Variants in BCL2L13 observed in about 807,000 individuals in gnomAD.
BCL2L13 encodes bcl-2-like protein 13.
BCL2L13 carries 13 observed loss-of-function variants against 25.8 expected under a neutral mutation model. The observed-to-expected ratio is 0.50, with a 90% CI of 0.33 to 0.80. The LOEUF is 0.80. BCL2L13 is among the 30% of genes least tolerant of loss of function. The pLI, the probability that BCL2L13 is intolerant of heterozygous loss-of-function variation, is 0.02. For synonymous variants in BCL2L13, 244 were observed against 230.3 expected, an observed-to-expected ratio of 1.06 and a Z score of -0.54; for missense variants, 504 against 574.9, an observed-to-expected ratio of 0.88 and a Z score of 1.26.
Position 17,663,587 on chromosome 22 carries a change from T to G in BCL2L13, c.121+7755T>G, listed in dbSNP as rs530671573. On this transcript the variant is annotated intron_variant, in intron 2 of 6. Transcript: ENST00000317582. Reference sequence around the variant, plus strand: ...TGTGATTTTTACTTTTCATTCAATTTTAATTTGGAACATTTCATATTTACA... The same window carrying G: ...TGTGATTTTTACTTTTCATTCAATTGTAATTTGGAACATTTCATATTTACA... 1.1e-4 allele frequency among the ~76,000 whole-genome samples: 16 copies of G among 152,300 alleles called. No homozygotes were observed. In the East Asian group the frequency reaches 3.1e-3, roughly 29 times the overall value.
At chr22:17,679,680 G>A (rs2146686230) in intron 2 of BCL2L13, among the ~76,000 whole-genome samples, 1 of 152,146 alleles carries the variant, frequency 6.6e-6, no homozygotes, top group East Asian at 1.9e-4. Context: ...TTGCAATGTA[G>A]GGAGAGCTTG....
intron 1 of BCL2L13, among the ~76,000 whole-genome samples, chr22:17,641,141 C>T (rs1316733366): frequency 3.3e-5 from 5 of 152,088 alleles, no homozygotes; most frequent in East Asian, 1.9e-4. Flanking sequence ...CTGCCCGCCT[C>T]GGCCTCCCAA....
intron 6 of BCL2L13, among the ~76,000 whole-genome samples, chr22:17,708,831 G>C (rs2060660604): frequency 6.6e-6 from 1 of 152,100 alleles, no homozygotes. Context: ...ATGGTTCCGA[G>C]GCTACTTGTA....
At chr22:17,724,945 C>T (rs919279859) in intron 6 of BCL2L13, among the ~76,000 whole-genome samples, 1 of 152,202 alleles carries the variant, frequency 6.6e-6, no homozygotes, top group Non-Finnish European at 1.5e-5. Flanking sequence ...ATTCATATGT[C>T]AGGCTTCACA....
intron 6 of BCL2L13, among the ~76,000 whole-genome samples, chr22:17,717,597 A>G (rs1255378436): frequency 6.6e-6 from 1 of 152,102 alleles, no homozygotes; most frequent in Non-Finnish European, 1.5e-5. Context: ...GGCCTCTGTT[A>G]CTGTATTTTA....
rs190021030 is a variant in BCL2L13, at chr22:17,650,165, C to T, written c.-50-5497C>T. Among the ~76,000 whole-genome samples, 1,132 of 152,106 alleles carry T rather than the reference C, an allele frequency of 7.4e-3. 7 individuals carry two copies. The highest frequency in any genetic ancestry group is 0.01 in the Middle Eastern group (3 of 294). ...GATTACAGGCATGAGCCACTGCGCC[C>T]GGCTGACTCTTCTTATTTTCATTCT... On this transcript the variant is annotated intron_variant, in intron 1 of 6. Coordinates refer to ENST00000317582, the MANE Select transcript of BCL2L13 (RefSeq NM_015367.4).
chr22:17,666,678 C>CTTTTTTT (rs35623813), intron 2 of BCL2L13, among the ~76,000 whole-genome samples: 1 of 121,400 alleles, frequency 8.2e-6, no homozygotes, highest in African/African-American at 3.1e-5. Context: ...GGACCTCATT[C>CTTTTTTT]TTTTTTTTTT....
At chr22:17,714,918 A>T (rs1161487938) in intron 6 of BCL2L13, among the ~76,000 whole-genome samples, 1 of 151,468 alleles carries the variant, frequency 6.6e-6, no homozygotes, top group African/African-American at 2.4e-5. Context: ...CTTTGAGAGG[A>T]TCACTGAAGC....
At chr22:17,685,376 C>T (rs192931595) in intron 3 of BCL2L13, among the ~76,000 whole-genome samples, 38 of 152,126 alleles carry the variant, frequency 2.5e-4, no homozygotes, top group African/African-American at 5.8e-4. Flanking sequence ...CAGGTACCCA[C>T]CACCACGCCC....
intron 6 of BCL2L13, among the ~76,000 whole-genome samples, chr22:17,710,794 A>T (rs4819462): frequency 2.0e-5 from 3 of 151,680 alleles, no homozygotes; most frequent in African/African-American, 7.3e-5. Flanking sequence ...GGAGAATGGT[A>T]TGAATCCAAG....
chr22:17,724,356 G>A (rs1199225899), intron 6 of BCL2L13, among the ~76,000 whole-genome samples: 1 of 152,184 alleles, frequency 6.6e-6, no homozygotes, highest in African/African-American at 2.4e-5. Context: ...GTTTAAGCAA[G>A]GTATCCAGAT....
At chr22:17,680,511 CAAAAAAAAAAAA>C (rs770410371) in intron 2 of BCL2L13, among the ~76,000 whole-genome samples, 18 of 13,364 alleles carry the variant, frequency 1.3e-3, no homozygotes, top group East Asian at 8.8e-3. Flanking sequence ...GACTCTGTCT[CAAAAAAAAAAAA>C]AAAAAAAAAA....
chr22:17,630,604 T>C (rs1419923028), intron 1 of BCL2L13, among the ~76,000 whole-genome samples: 3 of 148,924 alleles, frequency 2.0e-5, no homozygotes, highest in Non-Finnish European at 4.5e-5. Flanking sequence ...TTTTTTTTTT[T>C]TTTTGAGATG....
At chr22:17,653,647 G>C (rs1438037307) in intron 1 of BCL2L13, among the ~76,000 whole-genome samples, 2 of 151,646 alleles carry the variant, frequency 1.3e-5, no homozygotes, top group African/African-American at 4.8e-5. Context: ...TAGGACTACA[G>C]GCGCATGCCA....
chr22:17,660,013 G>A (rs1313422046), intron 2 of BCL2L13, among the ~76,000 whole-genome samples: 2 of 145,756 alleles, frequency 1.4e-5, no homozygotes, highest in Non-Finnish European at 3.1e-5. Context: ...GCGCCACTGC[G>A]CCGAGCTCAT....
intron 3 of BCL2L13, 98 bp from the exon 4 acceptor site, chr22:17,688,888 C>T: frequency 8.0e-7 from 1 of 1,257,194 alleles, no homozygotes. Flanking sequence ...CTGCCTCAGC[C>T]TCCTGAGTAG....
In BCL2L13 at chr22:17,727,695, G is replaced by A; in HGVS notation, c.*161G>A. On this transcript the variant is annotated 3_prime_UTR_variant, in exon 7 of 7. Coordinates refer to ENST00000317582, the MANE Select transcript of BCL2L13 (RefSeq NM_015367.4). ...GCATGTTAGGCATGTTAGGGCTTGAGGTGGGGCATTCACATTCATCTGACT... is the reference window on the plus strand; with the variant it reads ...GCATGTTAGGCATGTTAGGGCTTGAAGTGGGGCATTCACATTCATCTGACT... 1.1e-6 allele frequency: 1 copy of A among 925,596 alleles called. No homozygotes were observed. The highest frequency in any genetic ancestry group is 1.6e-6 in the Non-Finnish European group (1 of 628,972). The allele number at this position is 925,596 out of a possible 1,614,324, so 57.3% of individuals were successfully genotyped here. A position where few individuals can be genotyped will look rare whatever the true frequency, so the allele number is the denominator to read the frequency against.
rs752448510 is a variant in BCL2L13, at chr22:17,706,847, CT to C, written c.600+4462del. 31 of 1,350,790 alleles carry C rather than the reference CT, an allele frequency of 2.3e-5. No homozygotes were observed. In the African/African-American group the frequency reaches 4.4e-4, roughly 19 times the overall value. The allele number at this position is 1,350,790 out of a possible 1,614,324, so 83.7% of individuals were successfully genotyped here. On this transcript the variant is annotated intron_variant, in intron 6 of 6. Transcript: ENST00000317582. ...TGTGGTAAGGCTTGTATTTTACTTT[CT>C]CCGTCGTCACATGATAAATACTTCT... is the stretch of plus-strand genomic sequence containing the variant.
chr22:17,703,374 A>G (rs1315022634), intron 6 of BCL2L13: 1 of 152,140 alleles, frequency 6.6e-6, no homozygotes, highest in African/African-American at 2.4e-5. Context: ...GACATGTTCT[A>G]TTTGCTACTA....
Sources: gnomAD v4.1 joint callset for allele counts (sites outside exome capture counted in the v4.1 genomes callset) on GRCh38, gnomAD v4.1.1 for gene constraint, MANE v1.5 for transcripts, NCBI Gene and HGNC (gene_info 2026-07-23, HGNC 2026-07-21) for gene names.